VPS50: variants seen among roughly 807,000 people sequenced by gnomAD.
VPS50 encodes syndetin.
Under a neutral mutation model 139.7 loss-of-function variants are expected in VPS50, and 70 were observed. That is an observed-to-expected ratio of 0.50 (90% CI 0.41 to 0.61). The LOEUF is 0.61. VPS50 is among the 20% of genes least tolerant of loss of function. The pLI is 0.00. For synonymous variants in VPS50, 365 were observed against 376.7 expected, an observed-to-expected ratio of 0.97 and a Z score of 0.36; for missense variants, 921 against 1,133.7, an observed-to-expected ratio of 0.81 and a Z score of 2.69.
At chr7:93,272,770 C>G (rs752293093) in intron 11 of VPS50, 37 bp downstream of exon 11, 2 of 984,430 alleles carry the variant, frequency 2.0e-6, no homozygotes, top group Non-Finnish European at 1.6e-6. Flanking sequence ...TTTCCTTAAT[C>G]AGGAATTTGT....
rs535367187 is a variant in VPS50, at chr7:93,245,114, C to T, written c.102+5180C>T. ...AGAGGAGTAGAGGCACAACAGAGTT[C>T]AGCTAGGAGAGGATGTGGAGTAGGT... On this transcript the variant is annotated intron_variant, in intron 2 of 27. Transcript: ENST00000305866. Among the ~76,000 whole-genome samples, 3 of 151,820 alleles carry T rather than the reference C, an allele frequency of 2.0e-5. No individual in the cohort carries two copies. In the East Asian group the frequency reaches 5.8e-4, roughly 29 times the overall value.
Position 93,360,910 on chromosome 7 carries a change from A to G in VPS50, c.*2474A>G, listed in dbSNP as rs1184992808. On this transcript the variant is annotated 3_prime_UTR_variant, in exon 28 of 28. Coordinates refer to ENST00000305866, the MANE Select transcript of VPS50 (RefSeq NM_017667.4). ...TTTAACTAATAAACTCATTTACACA[A>G]CTTATTAAATGAATTTCTCTTGAAA... The G allele has an allele frequency of 6.6e-6, 1 of 151,986 alleles. No individual in the cohort carries two copies. The highest frequency in any genetic ancestry group is 2.4e-5 in the African/African-American group (1 of 41,410). The allele number at this position is 151,986 out of a possible 1,614,324, so 9.4% of individuals were successfully genotyped here.
chr7:93,326,188 A>G (rs1310478735), intron 21 of VPS50, among the ~76,000 whole-genome samples: 6 of 151,248 alleles, frequency 4.0e-5, no homozygotes, highest in Non-Finnish European at 7.4e-5. Context: ...TCAGTAAACT[A>G]TCACAAGGAC....
intron 4 of VPS50, among the ~76,000 whole-genome samples, chr7:93,256,014 G>T (rs1021867123): frequency 2.6e-5 from 4 of 152,100 alleles, no homozygotes. Context: ...TCTTCATAGC[G>T]TTCCAAAAAA....
chr7:93,321,775 C>T (rs1022836140), intron 20 of VPS50, among the ~76,000 whole-genome samples: 26 of 152,274 alleles, frequency 1.7e-4, no homozygotes, highest in Non-Finnish European at 3.2e-4. Flanking sequence ...GAGAGGACCT[C>T]GTGTTCTAGA....
At position 93,344,065 on chromosome 7, in the gene VPS50, G is replaced by A. The variant is rs1316998988; in HGVS notation, c.2207+2490G>A. 2.6e-5 allele frequency among the ~76,000 whole-genome samples: 4 copies of A among 152,234 alleles called. No homozygotes were observed. The East Asian group carries it at 5.8e-4, about 22-fold the overall frequency. ...GGATAAAGAGTCAAGACCCATCAGT[G>A]TGCTGTATTCAGGAAACCCATCTCA... On this transcript the variant is annotated intron_variant, in intron 23 of 27. Transcript: ENST00000305866.
At chr7:93,288,468 T>G (rs895253513) in intron 12 of VPS50, among the ~76,000 whole-genome samples, 1 of 152,162 alleles carries the variant, frequency 6.6e-6, no homozygotes, top group Admixed American at 6.6e-5. Context: ...TTCACATTGT[T>G]TGAGGTATAC....
chr7:93,259,658 C>T, intron 9 of VPS50, 26 bp downstream of exon 9: 1 of 1,223,602 alleles, frequency 8.2e-7, no homozygotes, highest in Non-Finnish European at 1.2e-6. Flanking sequence ...TGTTTTAAAG[C>T]AGATTCTGTT....
At chr7:93,288,270 A>G (rs140324497) in intron 12 of VPS50, among the ~76,000 whole-genome samples, 29 of 152,262 alleles carry the variant, frequency 1.9e-4, no homozygotes, top group African/African-American at 6.0e-4. Flanking sequence ...AGACTGGCTC[A>G]TTGTAAGGGT....
chr7:93,300,016 A>G lies in VPS50; in HGVS notation c.1361+2773A>G, dbSNP rs565752649. Among the ~76,000 whole-genome samples, 3 of 152,296 alleles carry G rather than the reference A, an allele frequency of 2.0e-5. No homozygotes were observed. In the East Asian group the frequency reaches 5.8e-4, roughly 29 times the overall value. On this transcript the variant is annotated intron_variant, in intron 16 of 27. Transcript: ENST00000305866. ...TTATAAAATGTTTTCAAGGATCTTAAAGTGGCATTGACTGGTGTTAGAAGA... is the reference window on the plus strand; with the variant it reads ...TTATAAAATGTTTTCAAGGATCTTAGAGTGGCATTGACTGGTGTTAGAAGA...
intron 22 of VPS50, among the ~76,000 whole-genome samples, chr7:93,334,889 A>C (rs1263026260): frequency 6.6e-6 from 1 of 152,034 alleles, no homozygotes; most frequent in African/African-American, 2.4e-5. Flanking sequence ...TATGTTATTC[A>C]GACGTTTCTC....
At chr7:93,307,245 C>T (rs548957156) in intron 18 of VPS50, among the ~76,000 whole-genome samples, 3 of 152,012 alleles carry the variant, frequency 2.0e-5, no homozygotes, top group African/African-American at 7.2e-5. Flanking sequence ...TAGCCAACAA[C>T]GCTGTAACTC....
chr7:93,302,839 C>T (rs530498200), intron 16 of VPS50, among the ~76,000 whole-genome samples: 1 of 152,046 alleles, frequency 6.6e-6, no homozygotes, highest in Admixed American at 6.5e-5. Flanking sequence ...GTGCTGATTA[C>T]TCAGGATAGA....
chr7:93,343,491 A>T (rs1247811102), intron 23 of VPS50, among the ~76,000 whole-genome samples: 1 of 152,166 alleles, frequency 6.6e-6, no homozygotes, highest in Non-Finnish European at 1.5e-5. Flanking sequence ...AATGCCACAA[A>T]GATACTCCTC....
At position 93,294,639 on chromosome 7, in the gene VPS50, T is replaced by A. The variant is rs755500420; in HGVS notation, c.1167+3T>A. The A allele has an allele frequency of 1.3e-6, 2 of 1,569,498 alleles. No homozygotes were observed. Among genetic ancestry groups the A allele is most frequent in the Admixed American group, 4.1e-5 (2 of 48,330 alleles). ...ATGGACTTACACGAATATGGCAGGT[T>A]TGGTTTTTTTAAAATTATTTTTTTC... On this transcript the variant is annotated splice_donor_region_variant and intron_variant, in intron 14 of 27. Transcript: ENST00000305866.
At chr7:93,266,058 T>C (rs987562142) in intron 9 of VPS50, among the ~76,000 whole-genome samples, 3 of 152,236 alleles carry the variant, frequency 2.0e-5, no homozygotes, top group Non-Finnish European at 2.9e-5. Context: ...CTCTGAGGTC[T>C]GCTGATAAAT....
intron 12 of VPS50, among the ~76,000 whole-genome samples, chr7:93,290,719 G>A (rs1425498627): frequency 1.3e-5 from 2 of 152,004 alleles, no homozygotes; most frequent in African/African-American, 2.4e-5. Context: ...TTACATGGAA[G>A]TGTAGTAAAT....
intron 20 of VPS50, among the ~76,000 whole-genome samples, chr7:93,317,522 A>T (rs947950269): frequency 5.3e-5 from 8 of 152,338 alleles, no homozygotes; most frequent in Middle Eastern, 6.8e-3. Flanking sequence ...GCACCACTGC[A>T]TTCCAGCCTG....
intron 21 of VPS50, among the ~76,000 whole-genome samples, chr7:93,327,664 A>C (rs1045539443): frequency 6.6e-6 from 1 of 152,232 alleles, no homozygotes; most frequent in African/African-American, 2.4e-5. Flanking sequence ...AAATAGCACA[A>C]ATAGGCACAT....
Sources: allele counts gnomAD v4.1 joint callset (sites outside exome capture counted in the v4.1 genomes callset), GRCh38; gene constraint gnomAD v4.1.1; transcripts MANE v1.5; gene names NCBI Gene and HGNC (gene_info 2026-07-23, HGNC 2026-07-21).